Variants in ANO10 observed in about 807,000 individuals in gnomAD.
ANO10 encodes the protein anoctamin-10.
ANO10 carries 77 observed loss-of-function variants against 74.7 expected under a neutral mutation model. The ratio of observed to expected loss-of-function variants is 1.03; its 90% CI spans 0.86 to 1.25. The LOEUF (loss-of-function observed/expected upper bound fraction) is 1.25, where lower values mean the gene tolerates loss of function less well. ANO10 is among the 50% of genes most tolerant of loss of function. ANO10 has a pLI of 0.00. For synonymous variants in ANO10, 279 were observed against 284.9 expected (o/e 0.98, Z 0.21); for missense variants, 721 against 778.1 (o/e 0.93, Z 0.87).
chr3:43,499,917 C>T (rs371101663), intron 11 of ANO10, among the ~76,000 whole-genome samples: 6 of 151,982 alleles, frequency 3.9e-5, no homozygotes, highest in South Asian at 2.1e-4. Context: ...CTGCAACCTC[C>T]GCCTCCTGGG....
At chr3:43,681,101 G>A (rs1372105647) in intron 1 of ANO10, among the ~76,000 whole-genome samples, 1 of 151,982 alleles carries the variant, frequency 6.6e-6, no homozygotes, top group Non-Finnish European at 1.5e-5. Flanking sequence ...ATGTAAATGG[G>A]CTAAATGCTC....
chr3:43,685,042 T>C (rs886843212), intron 1 of ANO10, among the ~76,000 whole-genome samples: 2 of 152,168 alleles, frequency 1.3e-5, no homozygotes, highest in Non-Finnish European at 2.9e-5. Context: ...GTAACAAACC[T>C]GCACGTTGTG....
chr3:43,449,021 G>A (rs988710250), intron 11 of ANO10, among the ~76,000 whole-genome samples: 3 of 151,704 alleles, frequency 2.0e-5, no homozygotes, highest in Non-Finnish European at 2.9e-5. Context: ...ACAGGTACCC[G>A]CCACCATGCC....
At chr3:43,407,154 T>G (rs2092590283) in intron 12 of ANO10, among the ~76,000 whole-genome samples, 1 of 152,170 alleles carries the variant, frequency 6.6e-6, no homozygotes, top group South Asian at 2.1e-4. Context: ...TCCACCCACC[T>G]CGGCCTCCTA....
intron 1 of ANO10, among the ~76,000 whole-genome samples, chr3:43,642,828 T>C (rs2083683750): frequency 1.3e-5 from 2 of 150,110 alleles, no homozygotes; most frequent in Non-Finnish European, 2.9e-5. Flanking sequence ...TTCTGGAGAT[T>C]GTTTCAATTC....
rs2080014518 is a variant in ANO10, at chr3:43,561,209, T to C, written c.1476+11A>G. 1.9e-6 allele frequency: 3 copies of C among 1,613,894 alleles called. No homozygotes were observed. The East Asian group carries it at 6.7e-5, about 36-fold the overall frequency. On this transcript the variant is annotated intron_variant, in intron 9 of 12. Coordinates refer to ENST00000292246, the MANE Select transcript of ANO10 (RefSeq NM_018075.5). Reference sequence around the variant, plus strand: ...TCAGTAAATGTTTAATTCAGCAATATTCCAACTTACCAAATAAGTTCCCAT... The same window carrying C: ...TCAGTAAATGTTTAATTCAGCAATACTCCAACTTACCAAATAAGTTCCCAT...
intron 11 of ANO10, among the ~76,000 whole-genome samples, chr3:43,438,516 A>G (rs2093109205): frequency 6.6e-6 from 1 of 152,064 alleles, no homozygotes; most frequent in Admixed American, 6.6e-5. Flanking sequence ...AGGCTGAGGC[A>G]GGTGGATCAC....
intron 11 of ANO10, among the ~76,000 whole-genome samples, chr3:43,541,460 C>A (rs547497609): frequency 6.6e-6 from 1 of 152,210 alleles, no homozygotes; most frequent in African/African-American, 2.4e-5. Flanking sequence ...AACCACTATA[C>A]CATACTGCCC....
upstream of ANO10, among the ~76,000 whole-genome samples, chr3:43,625,667 A>T (rs376037858): frequency 5.9e-4 from 90 of 152,328 alleles, 1 homozygote; most frequent in South Asian, 0.017. Flanking sequence ...TCTGTGAATT[A>T]TCTATTTATT....
chr3:43,542,411 A>C (rs1032232107), intron 11 of ANO10, among the ~76,000 whole-genome samples: 1 of 152,148 alleles, frequency 6.6e-6, no homozygotes, highest in East Asian at 1.9e-4. Flanking sequence ...TAAGCAGCAA[A>C]CTGTAACACA....
intron 1 of ANO10, among the ~76,000 whole-genome samples, chr3:43,613,378 CA>C (rs932140267): frequency 9.2e-5 from 14 of 151,992 alleles, no homozygotes. Context: ...ACATGTTCTA[CA>C]AAAGGAACAA....
Position 43,492,875 on chromosome 3 carries a change from G to C in ANO10, c.1797+56845C>G, listed in dbSNP as rs538296167. Among the ~76,000 whole-genome samples the C allele has an allele frequency of 3.9e-5, 6 of 152,282 alleles. No homozygotes were observed. In the South Asian group the frequency reaches 1.2e-3, roughly 32 times the overall value. On this transcript the variant is annotated intron_variant, in intron 11 of 12. Coordinates refer to ENST00000292246, the MANE Select transcript of ANO10 (RefSeq NM_018075.5). ...TAGTTCAACCATTGTGGAAGACAGT[G>C]TGGCGATTCCTCAAGGATCTAGAAC...
intron 11 of ANO10, among the ~76,000 whole-genome samples, chr3:43,496,478 G>C (rs1026496891): frequency 3.3e-5 from 5 of 151,710 alleles, no homozygotes; most frequent in African/African-American, 1.2e-4. Flanking sequence ...CTGTCACCCA[G>C]GCTTGAGCAC....
intron 1 of ANO10, among the ~76,000 whole-genome samples, chr3:43,667,426 T>A (rs556802693): frequency 3.3e-5 from 5 of 152,126 alleles, no homozygotes; most frequent in Non-Finnish European, 7.4e-5. Flanking sequence ...TACACTATTG[T>A]TTTTTAAAAT....
intron 12 of ANO10, among the ~76,000 whole-genome samples, chr3:43,419,119 A>G (rs2148909544): frequency 6.6e-6 from 1 of 152,358 alleles, no homozygotes; most frequent in East Asian, 1.9e-4. Flanking sequence ...GTAGGCTTCT[A>G]CACTGGCTGG....
intron 12 of ANO10, among the ~76,000 whole-genome samples, chr3:43,415,247 G>A (rs2092721081): frequency 6.6e-6 from 1 of 151,918 alleles, no homozygotes; most frequent in African/African-American, 2.4e-5. Context: ...CAAGTGCTGG[G>A]ATTACAGGTG....
At chr3:43,484,385 A>G (rs528449895) in intron 11 of ANO10, among the ~76,000 whole-genome samples, 46 of 152,180 alleles carry the variant, frequency 3.0e-4, no homozygotes, top group Non-Finnish European at 6.2e-4. Context: ...AACTCATTTA[A>G]TCTCCTCTAG....
chr3:43,565,409 A>G (rs1016065571), intron 8 of ANO10, among the ~76,000 whole-genome samples: 1 of 152,220 alleles, frequency 6.6e-6, no homozygotes, highest in Non-Finnish European at 1.5e-5. Context: ...TTTGAGGTGA[A>G]CTATATAATT....
At chr3:43,681,863 G>T (rs1470340986) in intron 1 of ANO10, among the ~76,000 whole-genome samples, 1 of 152,180 alleles carries the variant, frequency 6.6e-6, no homozygotes, top group African/African-American at 2.4e-5. Flanking sequence ...CAGAAATAAA[G>T]ATGGTCTTTG....
Sources: gnomAD v4.1 joint callset for allele counts (sites outside exome capture counted in the v4.1 genomes callset) on GRCh38, gnomAD v4.1.1 for gene constraint, MANE v1.5 for transcripts, NCBI Gene and HGNC (gene_info 2026-07-23, HGNC 2026-07-21) for gene names.